COL19A1: variants seen among roughly 807,000 people sequenced by gnomAD.
The protein encoded by COL19A1 is collagen alpha-1(XIX) chain.
In COL19A1, 159 loss-of-function variants were observed where a neutral mutation model predicts 190.2. The observed-to-expected ratio is 0.84, with a 90% CI of 0.73 to 0.95. COL19A1 has a LOEUF of 0.95. Ranked by LOEUF, COL19A1 falls within the 40% of genes least tolerant of loss-of-function variation. The pLI, the probability that COL19A1 is intolerant of heterozygous loss-of-function variation, is 0.00. For missense variants in COL19A1, 1,418 were observed against 1,431.9 expected (o/e 0.99, Z 0.16); for synonymous variants, 509 against 458.9 (o/e 1.11, Z -1.39).
chr6:70,077,078 T>C (rs1308779074), intron 15 of COL19A1, among the ~76,000 whole-genome samples: 1 of 152,284 alleles, frequency 6.6e-6, no homozygotes, highest in Middle Eastern at 3.4e-3. Flanking sequence ...GCATGAAACA[T>C]TTTTATGGCC....
chr6:69,885,801 A>G (rs1002475609), intron 2 of COL19A1, among the ~76,000 whole-genome samples: 1 of 152,170 alleles, frequency 6.6e-6, no homozygotes, highest in Admixed American at 6.5e-5. Flanking sequence ...TGGAAAATGG[A>G]AGGATTTTCT....
chr6:70,069,818 A>G (rs910161533), intron 15 of COL19A1, among the ~76,000 whole-genome samples: 4 of 152,104 alleles, frequency 2.6e-5, no homozygotes, highest in Non-Finnish European at 5.9e-5. Context: ...TTTCATCTTT[A>G]TTGATTTTAA....
intron 4 of COL19A1, among the ~76,000 whole-genome samples, chr6:69,917,316 A>T (rs888525466): frequency 2.0e-5 from 3 of 152,220 alleles, no homozygotes; most frequent in Middle Eastern, 3.2e-3. Context: ...GATATAGCAC[A>T]GTCTCATAAG....
At chr6:70,008,164 G>A (rs1235235213) in intron 11 of COL19A1, among the ~76,000 whole-genome samples, 1 of 151,506 alleles carries the variant, frequency 6.6e-6, no homozygotes, top group Non-Finnish European at 1.5e-5. Flanking sequence ...TATGTAGAAG[G>A]CAGGAACAAT....
intron 9 of COL19A1, among the ~76,000 whole-genome samples, chr6:69,940,330 T>TA (rs973759996): frequency 3.3e-4 from 50 of 152,182 alleles, no homozygotes; most frequent in African/African-American, 1.1e-3. Flanking sequence ...GCTATTATAA[T>TA]AAAAAATGTG....
At chr6:69,975,588 G>T (rs946396880) in intron 11 of COL19A1, among the ~76,000 whole-genome samples, 1 of 152,156 alleles carries the variant, frequency 6.6e-6, no homozygotes, top group Non-Finnish European at 1.5e-5. Context: ...ACATGTATAC[G>T]TGCTGCCTTT....
At chr6:69,952,379 GC>G (rs1462628665) in intron 9 of COL19A1, among the ~76,000 whole-genome samples, 1 of 151,742 alleles carries the variant, frequency 6.6e-6, no homozygotes, top group African/African-American at 2.4e-5. Context: ...TAACCTTAAT[GC>G]AACACCTAAT....
At chr6:69,933,026 T>G (rs775038574) in intron 7 of COL19A1, among the ~76,000 whole-genome samples, 163 bp downstream of exon 7, 1 of 152,096 alleles carries the variant, frequency 6.6e-6, no homozygotes, top group African/African-American at 2.4e-5. Context: ...TTCTCATGGT[T>G]ACTTTCAACA....
chr6:70,188,112 G>A lies in COL19A1; in HGVS notation c.2894G>A (p.Gly965Asp), dbSNP rs1323282354. ...ATTCCAGGAGACAGAGGCTCACAAG[G>A]TGAACGGGGAAAACCAGGCCTTACA... is the stretch of plus-strand genomic sequence containing the variant. ...QGIPGDRGSQ[G>D]ERGKPGLTGM... is the part of the protein sequence containing the mutation. Residue 965 changes from glycine to aspartate, a missense_variant, in exon 47 of 51, where the codon GGT (glycine) becomes GAT (aspartate). Physicochemically the swap from Gly to Asp is moderately conservative, Grantham distance 94 (BLOSUM62 -1). Coordinates refer to ENST00000620364, the MANE Select transcript of COL19A1 (RefSeq NM_001858.6). 6.2e-7 allele frequency: 1 copy of A among 1,613,796 alleles called. No individual in the cohort carries two copies. Among genetic ancestry groups the A allele is most frequent in the Non-Finnish European group, 8.5e-7 (1 of 1,179,850 alleles).
At chr6:69,971,396 A>G (rs1156788450) in intron 11 of COL19A1, among the ~76,000 whole-genome samples, 1 of 152,182 alleles carries the variant, frequency 6.6e-6, no homozygotes, top group Non-Finnish European at 1.5e-5. Flanking sequence ...AGTTTCCTGA[A>G]GAGTTAAATT....
chr6:69,951,208 A>G (rs551832252), intron 9 of COL19A1, among the ~76,000 whole-genome samples: 1 of 152,050 alleles, frequency 6.6e-6, no homozygotes, highest in African/African-American at 2.4e-5. Flanking sequence ...CCAGCTCAAA[A>G]TCTTACTCTC....
At chr6:69,921,511 T>TATATATTC (rs1561998779) in intron 4 of COL19A1, among the ~76,000 whole-genome samples, 1,110 of 100,250 alleles carry the variant, frequency 0.011, 59 homozygotes, top group African/African-American at 0.037. Flanking sequence ...TATATATTCA[T>TATATATTC]ATGTATATTC....
chr6:69,997,026 T>TATATATATATAG (rs576813975), intron 11 of COL19A1, among the ~76,000 whole-genome samples: 216 of 146,958 alleles, frequency 1.5e-3, no homozygotes, highest in African/African-American at 4.5e-3. Context: ...TATATATATA[T>TATATATATATAG]AGAGAGAGAG....
At chr6:70,044,615 T>A (rs6900009) in intron 14 of COL19A1, among the ~76,000 whole-genome samples, 99,746 of 152,060 alleles carry the variant, frequency 0.66, 34,110 homozygotes, top group African/African-American at 0.85. Flanking sequence ...GGAAATAGGG[T>A]TGCCCAAGTA....
intron 15 of COL19A1, among the ~76,000 whole-genome samples, chr6:70,070,937 G>T (rs1005549893): frequency 6.6e-6 from 1 of 152,074 alleles, no homozygotes; most frequent in Non-Finnish European, 1.5e-5. Flanking sequence ...TATTTTAATT[G>T]AGTGGTTGAC....
At chr6:70,097,049 A>T (rs1783320446) in intron 15 of COL19A1, among the ~76,000 whole-genome samples, 1 of 152,106 alleles carries the variant, frequency 6.6e-6, no homozygotes, top group Non-Finnish European at 1.5e-5. Flanking sequence ...CATCATCATC[A>T]TCCTCATCAA....
At chr6:69,963,774 G>A (rs190918403) in intron 11 of COL19A1, among the ~76,000 whole-genome samples, 75 of 152,228 alleles carry the variant, frequency 4.9e-4, no homozygotes, top group African/African-American at 1.7e-3. Context: ...TAAATTCTGG[G>A]TGCTTAATTT....
chr6:69,926,971 C>T (rs1322661499), intron 4 of COL19A1, among the ~76,000 whole-genome samples: 1 of 152,024 alleles, frequency 6.6e-6, no homozygotes, highest in Non-Finnish European at 1.5e-5. Flanking sequence ...ATGACATAGT[C>T]AACGTTTTGA....
chr6:69,882,969 C>G (rs890405478), intron 2 of COL19A1, among the ~76,000 whole-genome samples: 1 of 152,116 alleles, frequency 6.6e-6, no homozygotes, highest in South Asian at 2.1e-4. Context: ...CTTTGTAACT[C>G]CTAAATTTTG....
Sources: allele counts gnomAD v4.1 joint callset (sites outside exome capture counted in the v4.1 genomes callset), GRCh38; gene constraint gnomAD v4.1.1; transcripts MANE v1.5; gene names NCBI Gene and HGNC (gene_info 2026-07-23, HGNC 2026-07-21).